Variants in DMAC2L observed in about 807,000 individuals in gnomAD.
DMAC2L encodes distal membrane arm assembly component 2 like, also known as ATP synthase subunit s, mitochondrial.
In DMAC2L, 21 loss-of-function variants were observed where a neutral mutation model predicts 22.5. That is an observed-to-expected ratio of 0.93 (90% CI 0.66 to 1.34). DMAC2L has a LOEUF of 1.34. DMAC2L is among the 40% of genes most tolerant of loss of function. The pLI is 0.00. For synonymous variants in DMAC2L, 86 were observed against 89.5 expected, an observed-to-expected ratio of 0.96 and a Z score of 0.22; for missense variants, 239 against 246.5, an observed-to-expected ratio of 0.97 and a Z score of 0.20.
At chr14:50,318,561 G>A (rs547264409) in intron 2 of DMAC2L, among the ~76,000 whole-genome samples, 5 of 152,246 alleles carry the variant, frequency 3.3e-5, no homozygotes, top group East Asian at 1.9e-4. Flanking sequence ...CATGTCAACC[G>A]TTGAAGACTA....
At position 50,325,996 on chromosome 14, in the gene DMAC2L, A is replaced by G; in HGVS notation, c.*273A>G. On this transcript the variant is annotated 3_prime_UTR_variant, in exon 6 of 6. Coordinates refer to ENST00000557421, the MANE Select transcript of DMAC2L (RefSeq NM_001382507.1). The stretch of plus-strand genomic sequence containing the variant: ...TGTAATCCTAGCACTTTGGGAGGCC[A>G]AAGCGGGCAGATCACCTGAGGTCAG... The G allele has an allele frequency of 1.2e-5, 12 of 962,810 alleles. No individual in the cohort carries two copies. The highest frequency in any genetic ancestry group is 3.3e-5 in the South Asian group (1 of 30,270). 59.6% of individuals were successfully genotyped at this position (962,810 alleles called of 1,614,324 possible). A position where few individuals can be genotyped will look rare whatever the true frequency, so the allele number is the denominator to read the frequency against.
intron 4 of DMAC2L, 90 bp downstream of exon 4, chr14:50,322,809 A>G: frequency 1.3e-6 from 2 of 1,579,100 alleles, no homozygotes; most frequent in African/African-American, 1.3e-5. Context: ...AGTCATAGGT[A>G]TGTCCTTTTT....
chr14:50,312,433 G>T (rs2031310120), intron 1 of DMAC2L, 44 bp downstream of exon 1: 1 of 532,950 alleles, frequency 1.9e-6, no homozygotes, highest in South Asian at 2.0e-5. Flanking sequence ...GACTAGGGTG[G>T]TGGTTGTGTT....
upstream of DMAC2L, chr14:50,312,293 T>A: frequency 1.6e-6 from 2 of 1,274,250 alleles, no homozygotes; most frequent in Non-Finnish European, 2.2e-6. Context: ...GAGGCTGCGG[T>A]GGCCAATAGG....
upstream of DMAC2L, chr14:50,311,985 G>A: frequency 1.3e-6 from 2 of 1,548,994 alleles, no homozygotes. Context: ...CAGCGCAGGC[G>A]GCGGGGAGGA....
upstream of DMAC2L, chr14:50,311,972 C>A: frequency 1.9e-6 from 3 of 1,543,978 alleles, no homozygotes; most frequent in Non-Finnish European, 2.6e-6. Flanking sequence ...CCGCGAGGGG[C>A]AGCAGCGCAG....
chr14:50,314,676 C>T lies in DMAC2L; in HGVS notation c.-6+50C>T, dbSNP rs543032016. 4.2e-5 allele frequency: 19 copies of T among 453,520 alleles called. 2 individuals carry two copies. The highest frequency in any genetic ancestry group is 6.6e-5 in the Non-Finnish European group (15 of 226,530). The allele number at this position is 453,520 out of a possible 1,614,324, so 28.1% of individuals were successfully genotyped here. A position where few individuals can be genotyped will look rare whatever the true frequency, so the allele number is the denominator to read the frequency against. On this transcript the variant is annotated intron_variant, in intron 2 of 5. Coordinates refer to ENST00000557421, the MANE Select transcript of DMAC2L (RefSeq NM_001382507.1). ...TTTATTTTTGAGACAGGGTTATGCTCTGTTGCCCAGGCTGGAGTGCAGTGG... is the reference window on the plus strand; with the variant it reads ...TTTATTTTTGAGACAGGGTTATGCTTTGTTGCCCAGGCTGGAGTGCAGTGG...
chr14:50,318,183 A>C (rs1024540517), intron 2 of DMAC2L, among the ~76,000 whole-genome samples: 3 of 152,114 alleles, frequency 2.0e-5, no homozygotes, highest in African/African-American at 7.2e-5. Context: ...AATTTATTAG[A>C]GCTAGATTCA....
At position 50,321,979 on chromosome 14, in the gene DMAC2L, G is replaced by T. The variant is rs1461635304; in HGVS notation, c.107+385G>T. Reference sequence around the variant, plus strand: ...AACTTGGGTTTTCAAAAAATTAGTGGGTGGCACACTTAGAAATGTCATTTT... The same window carrying T: ...AACTTGGGTTTTCAAAAAATTAGTGTGTGGCACACTTAGAAATGTCATTTT... On this transcript the variant is annotated intron_variant, in intron 3 of 5. Transcript: ENST00000557421. 2.0e-5 allele frequency among the ~76,000 whole-genome samples: 3 copies of T among 151,874 alleles called. No homozygotes were observed. The East Asian group carries it at 5.8e-4, about 29-fold the overall frequency.
At chr14:50,320,863 T>C (rs2032205603) in intron 2 of DMAC2L, among the ~76,000 whole-genome samples, 1 of 152,220 alleles carries the variant, frequency 6.6e-6, no homozygotes, top group East Asian at 1.9e-4. Flanking sequence ...CTTTCTCAAA[T>C]TATGGTTATA....
At position 50,312,372 on chromosome 14, in the gene DMAC2L, C is replaced by A; in HGVS notation, c.-59C>A. 1.6e-6 allele frequency: 1 copy of A among 616,204 alleles called. No homozygotes were observed. Among genetic ancestry groups the A allele is most frequent in the Admixed American group, 2.9e-5 (1 of 34,196 alleles). 38.2% of individuals were successfully genotyped at this position (616,204 alleles called of 1,614,324 possible). On this transcript the variant is annotated 5_prime_UTR_variant, in exon 1 of 6. Coordinates refer to ENST00000557421, the MANE Select transcript of DMAC2L (RefSeq NM_001382507.1). The stretch of plus-strand genomic sequence containing the variant: ...GCGGGGACGCTGGCTCGCTCCCTCC[C>A]TCCCTCCCTCCGACGCTGTGAGTAG...
rs185621412 is a variant in DMAC2L at position 50,312,407 on chromosome 14, G to T, written c.-42+18G>T. 3.4e-3 allele frequency: 1,940 copies of T among 567,164 alleles called. 10 individuals carry two copies. Among genetic ancestry groups the T allele is most frequent in the Middle Eastern group, 0.022 (45 of 2,082 alleles). 35.1% of individuals were successfully genotyped at this position (567,164 alleles called of 1,614,324 possible). A position where few individuals can be genotyped will look rare whatever the true frequency, so the allele number is the denominator to read the frequency against. ...CCGACGCTGTGAGTAGAGAAGCTAG[G>T]CCCCGAGCCGGGCGGGACTAGGGTG... On this transcript the variant is annotated intron_variant, in intron 1 of 5. Transcript: ENST00000557421.
At chr14:50,318,954 T>G (rs2032042922) in intron 2 of DMAC2L, 1 of 892,322 alleles carries the variant, frequency 1.1e-6, no homozygotes, top group Non-Finnish European at 1.3e-6. Flanking sequence ...TGTTTTTGTT[T>G]GTTTTGTCTT....
chr14:50,312,932 G>A, intron 1 of DMAC2L: 1 of 1,479,336 alleles, frequency 6.8e-7, no homozygotes, highest in Non-Finnish European at 9.4e-7. Context: ...CCCGGCACTG[G>A]GTACCGGAAG....
intron 2 of DMAC2L, among the ~76,000 whole-genome samples, chr14:50,315,731 A>G (rs1455201391): frequency 6.6e-6 from 1 of 150,820 alleles, no homozygotes; most frequent in Non-Finnish European, 1.5e-5. Flanking sequence ...TGCGAATGCC[A>G]TTAATTCATT....
At chr14:50,323,131 G>A in intron 4 of DMAC2L, 1 of 742,244 alleles carries the variant, frequency 1.3e-6, no homozygotes, top group Non-Finnish European at 1.6e-6. Flanking sequence ...TGTCGCCTAG[G>A]CTGGAGTGCA....
At position 50,326,033 on chromosome 14, in the gene DMAC2L, CA is replaced by C; in HGVS notation, c.*312del. On this transcript the variant is annotated 3_prime_UTR_variant, in exon 6 of 6. Transcript: ENST00000557421. ...TCACCTGAGGTCAGGAGTTCAAGAC[CA>C]ACCATGGCCAACATGGTGAAACCCC... The C allele has an allele frequency of 9.5e-6, 5 of 528,588 alleles. No homozygotes were observed. Among genetic ancestry groups the C allele is most frequent in the Non-Finnish European group, 1.2e-5 (5 of 406,454 alleles). The allele number at this position is 528,588 out of a possible 1,614,324, so 32.7% of individuals were successfully genotyped here. A position where few individuals can be genotyped will look rare whatever the true frequency, so the allele number is the denominator to read the frequency against.
chr14:50,313,037 C>T (rs1454736023), intron 1 of DMAC2L: 1 of 1,614,066 alleles, frequency 6.2e-7, no homozygotes, highest in South Asian at 1.1e-5. Flanking sequence ...TGTGCGGTCT[C>T]TGAGCAGCGA....
At chr14:50,323,907 G>A (rs1451242242) in intron 4 of DMAC2L, 38 bp from the exon 5 acceptor site, 4 of 1,537,144 alleles carry the variant, frequency 2.6e-6, no homozygotes, top group South Asian at 2.4e-5. Flanking sequence ...TCATCTTAGT[G>A]GTAAAGCAGA....
Sources: allele counts gnomAD v4.1 joint callset (sites outside exome capture counted in the v4.1 genomes callset), GRCh38; gene constraint gnomAD v4.1.1; transcripts MANE v1.5; gene names NCBI Gene and HGNC (gene_info 2026-07-23, HGNC 2026-07-21).